KLHL32: variants seen among roughly 807,000 people sequenced by gnomAD.
KLHL32 encodes kelch like family member 32.
A neutral mutation model predicts 64.8 loss-of-function variants in KLHL32; 35 were observed. That is an observed-to-expected ratio of 0.54 (90% CI 0.41 to 0.72). The LOEUF (loss-of-function observed/expected upper bound fraction) is 0.72. KLHL32 is among the 30% of genes least tolerant of loss of function. KLHL32 has a pLI of 0.00. For synonymous variants in KLHL32, 259 were observed against 281.0 expected, an observed-to-expected ratio of 0.92 and a Z score of 0.78; for missense variants, 589 against 768.5, an observed-to-expected ratio of 0.77 and a Z score of 2.76.
rs781201151 is a variant in KLHL32 at position 97,127,377 on chromosome 6, G to A, written c.1355-27G>A. ...ATATCCTATTTTTTATTCATGAAAA[G>A]CTCTAACACATGTTAATCCATTACA... On this transcript the variant is annotated intron_variant, in intron 7 of 10. Coordinates refer to ENST00000369261, the MANE Select transcript of KLHL32 (RefSeq NM_052904.4). The A allele has an allele frequency of 3.2e-6, 5 of 1,582,192 alleles. No individual in the cohort carries two copies. In the South Asian group the frequency reaches 3.4e-5, roughly 11 times the overall value.
the KLHL32 span, among the ~76,000 whole-genome samples, chr6:96,905,253 G>T: frequency 6.6e-6 from 1 of 152,224 alleles, no homozygotes; most frequent in East Asian, 1.9e-4. Context: ...GATTATGAAA[G>T]ATTATGAAAA....
intron 3 of KLHL32, among the ~76,000 whole-genome samples, chr6:97,038,668 C>A (rs1194349728): frequency 1.3e-5 from 2 of 151,648 alleles, no homozygotes; most frequent in African/African-American, 4.8e-5. Flanking sequence ...AGTATATATT[C>A]AAAAGAAGGG....
chr6:96,912,707 CTAT>C, the KLHL32 span, among the ~76,000 whole-genome samples: 16 of 151,872 alleles, frequency 1.1e-4, no homozygotes, highest in African/African-American at 1.5e-4. Context: ...TAAGTATTAG[CTAT>C]TATTATTATT....
At chr6:97,025,136 G>C (rs1782539029) in intron 3 of KLHL32, 1 of 982,828 alleles carries the variant, frequency 1.0e-6, no homozygotes, top group Admixed American at 6.1e-5. Flanking sequence ...CTGATCCTGT[G>C]AGCCTGATGA....
In KLHL32 at chr6:97,000,612, A is replaced by G. The variant is rs548883625; in HGVS notation, c.204+24435A>G. ...GGTAATAAATATGATTATAATTTCT[A>G]TTGAAAATACTTGTGCCATTTTCTA... On this transcript the variant is annotated intron_variant, in intron 3 of 10. Coordinates refer to ENST00000369261, the MANE Select transcript of KLHL32 (RefSeq NM_052904.4). Among the ~76,000 whole-genome samples the G allele has an allele frequency of 1.1e-4, 17 of 152,348 alleles. No homozygotes were observed. In the South Asian group the frequency reaches 3.1e-3, roughly 28 times the overall value.
intron 6 of KLHL32, among the ~76,000 whole-genome samples, chr6:97,089,605 C>G (rs989414632): frequency 8.6e-5 from 13 of 152,034 alleles, no homozygotes; most frequent in African/African-American, 3.1e-4. Context: ...ATAGTGAAAC[C>G]CCATCTCCAC....
intron 10 of KLHL32, among the ~76,000 whole-genome samples, chr6:97,136,421 T>A (rs1452797945): frequency 1.3e-5 from 2 of 152,192 alleles, no homozygotes; most frequent in Admixed American, 1.3e-4. Flanking sequence ...GAGATACTCT[T>A]AGGTTGAGAT....
chr6:97,021,622 A>G (rs1781996773), intron 3 of KLHL32, among the ~76,000 whole-genome samples: 1 of 150,954 alleles, frequency 6.6e-6, no homozygotes, highest in South Asian at 2.1e-4. Flanking sequence ...ATACTAGAGT[A>G]ATGTTTTACC....
chr6:97,125,925 G>T (rs2128219064), intron 7 of KLHL32, among the ~76,000 whole-genome samples: 1 of 152,282 alleles, frequency 6.6e-6, no homozygotes, highest in Non-Finnish European at 1.5e-5. Flanking sequence ...CTTTTAAAAT[G>T]ATTTACATCT....
chr6:97,100,908 T>A (rs1369125577), intron 6 of KLHL32, among the ~76,000 whole-genome samples: 1 of 142,412 alleles, frequency 7.0e-6, no homozygotes, highest in East Asian at 2.1e-4. Flanking sequence ...GCCTAGGTGA[T>A]CCCTCCACCT....
At chr6:96,997,114 G>A (rs538522509) in intron 3 of KLHL32, among the ~76,000 whole-genome samples, 1 of 152,092 alleles carries the variant, frequency 6.6e-6, no homozygotes. Context: ...TTGAGGTCTG[G>A]AGAGTGTTGG....
chr6:97,064,772 C>G, intron 5 of KLHL32, 46 bp downstream of exon 5: 1 of 1,478,850 alleles, frequency 6.8e-7, no homozygotes, highest in Non-Finnish European at 9.4e-7. Context: ...CATTCCTTTC[C>G]CCACAGTCAT....
chr6:96,973,643 AGAT>A (rs1775349610), intron 2 of KLHL32, among the ~76,000 whole-genome samples: 1 of 151,784 alleles, frequency 6.6e-6, no homozygotes. Flanking sequence ...GCTGATTTTG[AGAT>A]TCATTATACA....
intron 10 of KLHL32, 139 bp from the exon 11 acceptor site, chr6:97,138,982 C>G: frequency 2.7e-6 from 2 of 750,686 alleles, no homozygotes; most frequent in Non-Finnish European, 4.2e-6. Context: ...CTAGTACCAT[C>G]CAAGCAAGAA....
At chr6:96,927,461 A>C (rs1480851105) in intron 1 of KLHL32, among the ~76,000 whole-genome samples, 2 of 147,908 alleles carry the variant, frequency 1.4e-5, no homozygotes, top group African/African-American at 4.9e-5. Flanking sequence ...TTTAATAACT[A>C]TCTTGTAGTG....
chr6:97,117,607 G>A (rs750623948), intron 7 of KLHL32, among the ~76,000 whole-genome samples: 4 of 152,152 alleles, frequency 2.6e-5, no homozygotes, highest in Non-Finnish European at 5.9e-5. Context: ...TGTTAGAGTC[G>A]AATTGTACAG....
At position 97,085,286 on chromosome 6, in the gene KLHL32, A is replaced by T; in HGVS notation, c.572A>T (p.Gln191Leu). 3 of 1,613,542 alleles carry T rather than the reference A, an allele frequency of 1.9e-6. No homozygotes were observed. Among genetic ancestry groups the T allele is most frequent in the Non-Finnish European group, 2.5e-6 (3 of 1,180,030 alleles). The change falls in exon 6 of 11, where the codon CAG becomes CTG. Residue 191 changes from glutamine to leucine, a missense_variant. Transcript: ENST00000369261. ...EVLTLPYCLL[Q>L]EVLKSDRLTS... ...CTAACGCTTCCCTATTGCCTGCTTCAGGAGGTGCTGAAGAGCGACCGCCTG... is the reference window on the plus strand; with the variant it reads ...CTAACGCTTCCCTATTGCCTGCTTCTGGAGGTGCTGAAGAGCGACCGCCTG...
intron 1 of KLHL32, among the ~76,000 whole-genome samples, chr6:96,960,206 C>T (rs1773734576): frequency 6.6e-6 from 1 of 152,150 alleles, no homozygotes; most frequent in African/African-American, 2.4e-5. Context: ...ACCATCGTTT[C>T]CTTTTAACAC....
intron 4 of KLHL32, among the ~76,000 whole-genome samples, chr6:97,055,796 T>TTAAAAAAAAA (rs1787717117): frequency 1.2e-5 from 1 of 81,032 alleles, no homozygotes; most frequent in South Asian, 4.9e-4. Context: ...AGAACCTGTC[T>TTAAAAAAAAA]AAAAAAAAAA....
Sources: allele counts gnomAD v4.1 joint callset (sites outside exome capture counted in the v4.1 genomes callset), GRCh38; gene constraint gnomAD v4.1.1; transcripts MANE v1.5; gene names NCBI Gene and HGNC (gene_info 2026-07-23, HGNC 2026-07-21).